The following KIF26B variants were observed in gnomAD, a reference collection of about 807,000 sequenced individuals.
KIF26B encodes the protein kinesin family member 26B.
A neutral mutation model predicts 151.2 loss-of-function variants in KIF26B; 63 were observed. The observed-to-expected ratio is 0.42, with a 90% CI of 0.34 to 0.51. The LOEUF (loss-of-function observed/expected upper bound fraction) is 0.51. Among genes scored for constraint, KIF26B ranks in the 20% least tolerant of loss-of-function variants. The probability of loss-of-function intolerance (pLI) is 0.07; values close to 1 mark genes in which losing one functional copy is unlikely to be tolerated. For missense variants in KIF26B, 2,813 were observed against 2,913.6 expected, an observed-to-expected ratio of 0.97 and a Z score of 0.79; for synonymous variants, 1,357 against 1,262.1, an observed-to-expected ratio of 1.08 and a Z score of -1.59.
intron 14 of KIF26B, among the ~76,000 whole-genome samples, chr1:245,701,727 G>A (rs1336277198): frequency 6.6e-6 from 1 of 152,210 alleles, no homozygotes; most frequent in Admixed American, 6.5e-5. Flanking sequence ...TGTCAGCAGA[G>A]GTGGAGGTCC....
At chr1:245,371,493 G>C (rs1673124994) in intron 3 of KIF26B, 1 of 152,170 alleles carries the variant, frequency 6.6e-6, no homozygotes, top group South Asian at 2.1e-4. Flanking sequence ...TCACTACCAA[G>C]GGTGCGGCTC....
intron 4 of KIF26B, among the ~76,000 whole-genome samples, chr1:245,486,949 G>C (rs1012065397): frequency 4.6e-5 from 7 of 152,216 alleles, no homozygotes; most frequent in African/African-American, 1.7e-4. Flanking sequence ...CTAAACTTTT[G>C]CAGAGCTTCC....
intron 5 of KIF26B, among the ~76,000 whole-genome samples, chr1:245,562,327 G>A (rs1227605764): frequency 6.6e-5 from 10 of 151,984 alleles, no homozygotes; most frequent in Admixed American, 3.3e-4. Context: ...GGCCCAAATC[G>A]CAATTTTACG....
intron 2 of KIF26B, among the ~76,000 whole-genome samples, chr1:245,266,220 C>G (rs989789156): frequency 2.6e-5 from 4 of 152,092 alleles, no homozygotes; most frequent in Non-Finnish European, 5.9e-5. Context: ...AATTTAGGAA[C>G]CCCAAATTAA....
At chr1:245,354,632 C>T (rs924190063) in intron 2 of KIF26B, among the ~76,000 whole-genome samples, 11 of 152,232 alleles carry the variant, frequency 7.2e-5, no homozygotes, top group African/African-American at 2.7e-4. Flanking sequence ...TAGCCAGGGG[C>T]ACTGTGTCCA....
chr1:245,654,138 C>G (rs1217500759), intron 10 of KIF26B, among the ~76,000 whole-genome samples: 3 of 152,146 alleles, frequency 2.0e-5, no homozygotes, highest in Admixed American at 6.5e-5. Flanking sequence ...TCAGGTCGGT[C>G]TCCTGGTCTC....
chr1:245,265,587 C>CT (rs34317893), intron 2 of KIF26B, among the ~76,000 whole-genome samples: 2,518 of 140,834 alleles, frequency 0.018, 41 homozygotes, highest in East Asian at 0.08. Context: ...TAGAGAATGA[C>CT]TTTTTTTTTT....
chr1:245,656,616 A>G (rs552380916), intron 10 of KIF26B, among the ~76,000 whole-genome samples: 1 of 152,340 alleles, frequency 6.6e-6, no homozygotes, highest in African/African-American at 2.4e-5. Flanking sequence ...GGGGGCTGTG[A>G]TTATTCAAGG....
intron 10 of KIF26B, among the ~76,000 whole-genome samples, chr1:245,656,502 A>T (rs2044076480): frequency 6.6e-6 from 1 of 152,234 alleles, no homozygotes; most frequent in South Asian, 2.1e-4. Flanking sequence ...TAACCATCAT[A>T]TCACAAGTTG....
intron 2 of KIF26B, among the ~76,000 whole-genome samples, chr1:245,189,114 AGAT>A (rs1484863408): frequency 1.3e-5 from 2 of 152,218 alleles, no homozygotes; most frequent in Non-Finnish European, 2.9e-5. Flanking sequence ...AAAGTTCTGG[AGAT>A]GATGGTGGTG....
intron 5 of KIF26B, among the ~76,000 whole-genome samples, chr1:245,583,107 T>C (rs2043191696): frequency 6.6e-6 from 1 of 152,224 alleles, no homozygotes; most frequent in South Asian, 2.1e-4. Flanking sequence ...CAACCTTCGA[T>C]CTAATTTGTC....
intron 4 of KIF26B, among the ~76,000 whole-genome samples, chr1:245,472,025 C>G (rs907652411): frequency 1.3e-5 from 2 of 152,186 alleles, no homozygotes; most frequent in Admixed American, 6.5e-5. Flanking sequence ...CTCCTGACCT[C>G]AGATGATCCG....
chr1:245,414,082 TG>T (rs1018505959), intron 3 of KIF26B, among the ~76,000 whole-genome samples: 13 of 152,342 alleles, frequency 8.5e-5, no homozygotes, highest in Middle Eastern at 3.4e-3. Context: ...CCACCTGGCC[TG>T]GGGGCCAGAG....
chr1:245,319,184 G>T (rs1671837258), intron 2 of KIF26B, among the ~76,000 whole-genome samples: 1 of 152,200 alleles, frequency 6.6e-6, no homozygotes, highest in African/African-American at 2.4e-5. Flanking sequence ...TGTGTAGCAT[G>T]TGTCCAGATC....
rs879268590 is a variant in KIF26B, at chr1:245,520,590, AT to A, written c.1167-20176del. Among the ~76,000 whole-genome samples the A allele has an allele frequency of 4.4e-4, 37 of 84,890 alleles. 1 individual carries two copies. The highest frequency in any genetic ancestry group is 2.4e-3 in the South Asian group (4 of 1,688). The allele number at this position is 84,890 out of a possible 152,430, so 55.7% of individuals were successfully genotyped here. ...CATTCATCCATCCATCCATCCATCC[AT>A]CCATCCATCCACCCACCCACCCATC... On this transcript the variant is annotated intron_variant, in intron 4 of 14. Transcript: ENST00000407071.
chr1:245,307,933 G>T (rs2102980900), intron 2 of KIF26B, among the ~76,000 whole-genome samples: 1 of 152,160 alleles, frequency 6.6e-6, no homozygotes, highest in East Asian at 1.9e-4. Context: ...GTGGAGACGG[G>T]GTTTTACCAT....
chr1:245,331,440 C>T (rs1162491968), intron 2 of KIF26B, among the ~76,000 whole-genome samples: 9 of 152,208 alleles, frequency 5.9e-5, no homozygotes, highest in East Asian at 1.9e-4. Context: ...AATGAAAACG[C>T]GGATCTGAAA....
At chr1:245,513,662 C>T (rs1441220726) in intron 4 of KIF26B, among the ~76,000 whole-genome samples, 1 of 152,298 alleles carries the variant, frequency 6.6e-6, no homozygotes, top group East Asian at 1.9e-4. Context: ...TCTGGACAGC[C>T]GTCTTTCTAA....
chr1:245,173,783 T>A (rs531599500), intron 2 of KIF26B, among the ~76,000 whole-genome samples: 1 of 152,316 alleles, frequency 6.6e-6, no homozygotes, highest in South Asian at 2.1e-4. Flanking sequence ...TTTCTCTTAC[T>A]TCCACGGACC....
Sources: gnomAD v4.1 joint callset for allele counts (sites outside exome capture counted in the v4.1 genomes callset) on GRCh38, gnomAD v4.1.1 for gene constraint, MANE v1.5 for transcripts, NCBI Gene and HGNC (gene_info 2026-07-23, HGNC 2026-07-21) for gene names.